The following MMAA variants were observed in gnomAD, a reference collection of about 807,000 sequenced individuals.
MMAA encodes methylmalonic aciduria type A protein, mitochondrial.
A neutral mutation model predicts 45.0 loss-of-function variants in MMAA; 41 were observed. The observed-to-expected ratio is 0.91, with a 90% CI of 0.71 to 1.18. The LOEUF is 1.18. Ranked by LOEUF, MMAA falls within the 50% of genes most tolerant of loss-of-function variation. The pLI is 0.00. For missense variants in MMAA, 460 were observed against 495.7 expected (o/e 0.93, Z 0.68); for synonymous variants, 154 against 178.2 (o/e 0.86, Z 1.08).
Position 145,653,995 on chromosome 4 carries a change from G to T in MMAA, c.821G>T (p.Gly274Val), listed in dbSNP as rs1203402362. ...ATTAAATGTTTCTGATCTCTTTAGG[G>T]TATCAAAAGGGGTATAATCGAGATG... ...LPPAGGDELQGIKRGIIEMAD... is the reference protein window; with the variant it reads ...LPPAGGDELQVIKRGIIEMAD... The change falls in exon 6 of 7, where the codon GGT becomes GTT. Residue 274 changes from glycine (G) to valine (V), a missense_variant and splice_region_variant. Coordinates refer to ENST00000649156, the MANE Select transcript of MMAA (RefSeq NM_172250.3). 5.0e-6 allele frequency: 8 copies of T among 1,613,858 alleles called. No individual in the cohort carries two copies. Among genetic ancestry groups the T allele is most frequent in the African/African-American group, 1.3e-5 (1 of 74,878 alleles).
At chr4:145,629,060 G>T (rs1166568466) in intron 1 of MMAA, among the ~76,000 whole-genome samples, 1 of 152,072 alleles carries the variant, frequency 6.6e-6, no homozygotes. Flanking sequence ...AGCATCAATT[G>T]AAATGCTCAT....
chr4:145,623,120 T>A (rs1008765615), intron 1 of MMAA, among the ~76,000 whole-genome samples: 2 of 152,220 alleles, frequency 1.3e-5, no homozygotes, highest in African/African-American at 2.4e-5. Context: ...TTCATAAAGC[T>A]TCAATGAACA....
At chr4:145,634,896 C>T (rs796814579) in intron 1 of MMAA, among the ~76,000 whole-genome samples, 4 of 152,038 alleles carry the variant, frequency 2.6e-5, no homozygotes, top group African/African-American at 9.6e-5. Context: ...AACTGGTGCC[C>T]CATCCTGCTG....
chr4:145,633,386 C>T (rs201332050), intron 1 of MMAA, among the ~76,000 whole-genome samples: 5 of 151,174 alleles, frequency 3.3e-5, no homozygotes, highest in East Asian at 2.0e-4. Flanking sequence ...TTAGTAGAGA[C>T]GGGGTTTCAC....
At chr4:145,641,028 A>G (rs1481711875) in intron 2 of MMAA, among the ~76,000 whole-genome samples, 1 of 152,226 alleles carries the variant, frequency 6.6e-6, no homozygotes, top group Non-Finnish European at 1.5e-5. Flanking sequence ...GTTAATGGGC[A>G]TAGATGCTTT....
chr4:145,632,191 T>C (rs1727462185), intron 1 of MMAA, among the ~76,000 whole-genome samples: 1 of 152,254 alleles, frequency 6.6e-6, no homozygotes, highest in South Asian at 2.1e-4. Flanking sequence ...AGGAAAGGTT[T>C]GGTGTTGAGA....
chr4:145,621,907 A>G (rs1734096780), intron 1 of MMAA, among the ~76,000 whole-genome samples: 1 of 152,238 alleles, frequency 6.6e-6, no homozygotes. Flanking sequence ...TTAAAAAGAA[A>G]GTCCTTAAAA....
At chr4:145,636,350 C>A (rs1375595464) in intron 1 of MMAA, among the ~76,000 whole-genome samples, 2 of 152,148 alleles carry the variant, frequency 1.3e-5, no homozygotes, top group Non-Finnish European at 2.9e-5. Flanking sequence ...CTGAACTGGG[C>A]TCTGTTTAAA....
At chr4:145,649,253 G>C (rs555137084) in intron 4 of MMAA, among the ~76,000 whole-genome samples, 1 of 152,106 alleles carries the variant, frequency 6.6e-6, no homozygotes, top group East Asian at 1.9e-4. Context: ...AGCCACGATC[G>C]TGCCATTGCA....
chr4:145,651,070 C>G lies in MMAA; in HGVS notation c.742C>G (p.Gln248Glu). The G allele has an allele frequency of 6.2e-7, 1 of 1,614,014 alleles. No individual in the cohort carries two copies. The highest frequency in any genetic ancestry group is 8.5e-7 in the Non-Finnish European group (1 of 1,179,934). The change falls in exon 5 of 7, where the codon CAG (glutamine) becomes GAG (glutamate). Residue 248 changes from glutamine to glutamate, a missense_variant. Physicochemically the swap from Gln to Glu is conservative, Grantham distance 29. Transcript: ENST00000649156. ...IILIETVGVG[Q>E]SEFAVADMVD... The stretch of plus-strand genomic sequence containing the variant: ...GTGATTTACAATTTCAGGTGTGGGT[C>G]AGTCGGAGTTTGCTGTTGCTGACAT...
rs886043838 is a variant in MMAA, at chr4:145,639,473, C to T, written c.334C>T (p.His112Tyr). Residue 112 changes from histidine to tyrosine, a missense_variant, in exon 2 of 7, where the codon CAC becomes TAC. By Grantham distance (83) the His-to-Tyr change is moderately conservative (BLOSUM62 2). Coordinates refer to ENST00000649156, the MANE Select transcript of MMAA (RefSeq NM_172250.3). The part of the protein sequence containing the change: ...AEAITLVEST[H>Y]SRKKELAQVL... ...GGCCATAACTCTTGTAGAATCAACT[C>T]ACAGCAGGAAAAAGGAGTTAGCCCA... 2.5e-6 allele frequency: 4 copies of T among 1,614,092 alleles called. No homozygotes were observed. The South Asian group carries it at 3.3e-5, about 13-fold the overall frequency.
At chr4:145,634,499 T>C (rs116703939) in intron 1 of MMAA, among the ~76,000 whole-genome samples, 3,293 of 151,820 alleles carry the variant, frequency 0.022, 98 homozygotes, top group African/African-American at 0.07. Flanking sequence ...AGAAATGCCA[T>C]CCAAGAGCCA....
rs371068331 is a variant in MMAA, at chr4:145,646,145, T to C, written c.722T>C (p.Ile241Thr). Residue 241 changes from isoleucine to threonine, a missense_variant, in exon 4 of 7, where the codon ATT becomes ACT. By Grantham distance (89) the Ile-to-Thr change is moderately conservative. Transcript: ENST00000649156. ...GGAGCGGGATATGACATAATTCTTA[T>C]TGAAACCGTTGGTGAGTGTGATATT... ...CEGAGYDIIL[I>T]ETVGVGQSEF... 7.4e-6 allele frequency: 12 copies of C among 1,613,966 alleles called. No homozygotes were observed. The highest frequency in any genetic ancestry group is 1.6e-4 in the Middle Eastern group (1 of 6,082).
At chr4:145,636,133 G>A (rs1456137950) in intron 1 of MMAA, among the ~76,000 whole-genome samples, 1 of 152,108 alleles carries the variant, frequency 6.6e-6, no homozygotes, top group East Asian at 1.9e-4. Context: ...AGGCATTTGG[G>A]GAATGAAATA....
chr4:145,643,813 T>A (rs1032882177), intron 3 of MMAA, among the ~76,000 whole-genome samples: 10 of 152,022 alleles, frequency 6.6e-5, no homozygotes, highest in African/African-American at 2.2e-4. Context: ...TCTAGAATAC[T>A]TAACAATAGA....
At chr4:145,629,089 TC>T (rs1208530428) in intron 1 of MMAA, among the ~76,000 whole-genome samples, 1 of 152,214 alleles carries the variant, frequency 6.6e-6, no homozygotes, top group Non-Finnish European at 1.5e-5. Context: ...TGCCTTCCAT[TC>T]CGTTGATATG....
intron 1 of MMAA, among the ~76,000 whole-genome samples, chr4:145,629,629 C>T (rs1024880336): frequency 6.6e-6 from 1 of 152,038 alleles, no homozygotes. Context: ...CAAAGACATA[C>T]CTGAGACTGA....
intron 2 of MMAA, among the ~76,000 whole-genome samples, chr4:145,640,922 G>A (rs1727762069): frequency 6.6e-6 from 1 of 151,938 alleles, no homozygotes; most frequent in African/African-American, 2.4e-5. Flanking sequence ...AAAATTTTGT[G>A]GAGAATGAGT....
At chr4:145,632,017 G>A (rs1317699502) in intron 1 of MMAA, among the ~76,000 whole-genome samples, 1 of 152,030 alleles carries the variant, frequency 6.6e-6, no homozygotes, top group Non-Finnish European at 1.5e-5. Flanking sequence ...TTTTTGATTG[G>A]TTCATTGTTT....
Sources: allele counts gnomAD v4.1 joint callset (sites outside exome capture counted in the v4.1 genomes callset), GRCh38; gene constraint gnomAD v4.1.1; transcripts MANE v1.5; gene names NCBI Gene and HGNC (gene_info 2026-07-23, HGNC 2026-07-21).